Variants in SPATA13 observed in about 807,000 individuals in gnomAD.
The protein encoded by SPATA13 is spermatogenesis-associated protein 13.
A neutral mutation model predicts 104.0 loss-of-function variants in SPATA13; 50 were observed. That is an observed-to-expected ratio of 0.48 (90% CI 0.38 to 0.61). The LOEUF (loss-of-function observed/expected upper bound fraction) is 0.61, where lower values mean the gene tolerates loss of function less well. SPATA13 is among the 20% of genes least tolerant of loss of function. The pLI, the probability that SPATA13 is intolerant of heterozygous loss-of-function variation, is 0.00. For missense variants in SPATA13, 1,524 were observed against 1,690.6 expected, an observed-to-expected ratio of 0.90 and a Z score of 1.73; for synonymous variants, 606 against 667.5, an observed-to-expected ratio of 0.91 and a Z score of 1.42.
Position 24,223,388 on chromosome 13 carries a change from C to T in SPATA13, c.459C>T (p.Val153=), listed in dbSNP as rs1191269253. The change falls in exon 2 of 13, where the codon GTC becomes GTT. Residue 153 remains valine (V), a synonymous_variant. Coordinates refer to ENST00000382108, the MANE Select transcript of SPATA13 (RefSeq NM_001166271.3). Reference sequence around the variant, plus strand: ...GAAAGTCCATCCCAAATGGCGCTGTCCCAGGAGCCCAGGCAAGCAGGGGCT... The same window carrying T: ...GAAAGTCCATCCCAAATGGCGCTGTTCCAGGAGCCCAGGCAAGCAGGGGCT... The part of the protein sequence containing the change: ...GLGKSIPNGA[V]PGAQASRGSP... The T allele has an allele frequency of 1.9e-6, 3 of 1,551,186 alleles. No individual in the cohort carries two copies. Among genetic ancestry groups the T allele is most frequent in the East Asian group, 4.9e-5 (2 of 40,910 alleles).
At chr13:24,295,015 G>A (rs950003886) in intron 10 of SPATA13, 147 bp downstream of exon 10, 5 of 796,404 alleles carry the variant, frequency 6.3e-6, no homozygotes, top group Non-Finnish European at 7.3e-6. Flanking sequence ...AATGTATTTC[G>A]AGGCATACTG....
intron 1 of SPATA13, among the ~76,000 whole-genome samples, chr13:24,179,674 TC>T (rs1868677989): frequency 6.6e-6 from 1 of 152,208 alleles, no homozygotes; most frequent in Non-Finnish European, 1.5e-5. Context: ...CAACACTTTT[TC>T]CCATCTGCTT....
At chr13:24,295,649 A>G (rs1170030433) in intron 10 of SPATA13, among the ~76,000 whole-genome samples, 1 of 142,758 alleles carries the variant, frequency 7.0e-6, no homozygotes, top group Non-Finnish European at 1.5e-5. Flanking sequence ...AATGCCTGTA[A>G]TAATGGTCCA....
At chr13:24,005,628 G>T (rs186759251) in intron 2 of SPATA13, among the ~76,000 whole-genome samples, 1 of 152,200 alleles carries the variant, frequency 6.6e-6, no homozygotes, top group Admixed American at 6.5e-5. Context: ...AGAGGGATGG[G>T]GGAGATCTGA....
At chr13:24,107,237 C>CAAAAAAA (rs11421515) in intron 3 of SPATA13, among the ~76,000 whole-genome samples, 7 of 34,278 alleles carry the variant, frequency 2.0e-4, no homozygotes, top group Non-Finnish European at 3.3e-4. Flanking sequence ...GAACAAGAGG[C>CAAAAAAA]AAAAAAAAAA....
rs759451135 is a variant in SPATA13 at position 24,112,952 on chromosome 13, A to G, written c.-112+95251A>G. Among the ~76,000 whole-genome samples the G allele has an allele frequency of 2.4e-4, 37 of 152,306 alleles. 1 individual carries two copies. The highest frequency in any genetic ancestry group is 5.2e-4 in the Admixed American group (8 of 15,300). ...ATTCTACTGATTTATAATTCATTCT[A>G]GCAGACTCAACAGGAGGGGCTACTT... On this transcript the variant is annotated intron_variant, in intron 3 of 14. Coordinates refer to the SPATA13 transcript ENST00000424834.
At chr13:24,089,808 T>C (rs9511041) in intron 3 of SPATA13, among the ~76,000 whole-genome samples, 44,113 of 152,082 alleles carry the variant, frequency 0.29, 7,222 homozygotes, top group Non-Finnish European at 0.36. Context: ...TTTCTTGTGG[T>C]TCTCGAGATT....
intron 3 of SPATA13, among the ~76,000 whole-genome samples, chr13:24,085,873 C>T (rs912139): frequency 0.8 from 122,122 of 152,224 alleles, 49,344 homozygotes; most frequent in East Asian, 1. Context: ...GTGCAAAGCA[C>T]CGGAACCAGG....
At chr13:24,031,338 T>G (rs1877473239) in intron 3 of SPATA13, among the ~76,000 whole-genome samples, 2 of 152,198 alleles carry the variant, frequency 1.3e-5, no homozygotes, top group South Asian at 4.1e-4. Flanking sequence ...TTGGATTTGA[T>G]CTGACTCTAG....
Position 24,304,718 on chromosome 13 carries a change from T to TA in SPATA13, c.*1947dup, listed in dbSNP as rs1877461376. On this transcript the variant is annotated 3_prime_UTR_variant, in exon 13 of 13. Transcript: ENST00000382108. ...CACACATGCTTACAGGCAGCACTGCTAAGGGTTCAGGTGCCCCATGGCTGA... is the reference window on the plus strand; with the variant it reads ...CACACATGCTTACAGGCAGCACTGCTAAAGGGTTCAGGTGCCCCATGGCTGA... 6.6e-6 allele frequency: 1 copy of TA among 152,240 alleles called. No homozygotes were observed. Among genetic ancestry groups the TA allele is most frequent in the South Asian group, 2.1e-4 (1 of 4,832 alleles). 9.4% of individuals were successfully genotyped at this position (152,240 alleles called of 1,614,324 possible). A position where few individuals can be genotyped will look rare whatever the true frequency, so the allele number is the denominator to read the frequency against.
At chr13:24,217,961 C>G (rs1391507108) in intron 1 of SPATA13, among the ~76,000 whole-genome samples, 1 of 152,172 alleles carries the variant, frequency 6.6e-6, no homozygotes, top group East Asian at 1.9e-4. Context: ...ATTGTGGTTC[C>G]CAAAACAGAG....
In SPATA13 at chr13:24,122,367, A is replaced by G; in HGVS notation, c.-111-100452A>G. ...ATATCTGATACACATCAACAGGGTT[A>G]TCTTCATCATCAATGATTGTGGAAT... On this transcript the variant is annotated intron_variant, in intron 3 of 14. Transcript: ENST00000424834. The G allele has an allele frequency of 1.9e-6, 3 of 1,561,112 alleles. No homozygotes were observed. In the East Asian group the frequency reaches 6.8e-5, roughly 35 times the overall value.
At chr13:24,274,198 A>G (rs2096083) in intron 4 of SPATA13, among the ~76,000 whole-genome samples, 62,191 of 152,122 alleles carry the variant, frequency 0.41, 13,881 homozygotes, top group East Asian at 0.56. Flanking sequence ...GGCTTGCTGC[A>G]TGGACAGGCA....
chr13:24,292,166 A>G (rs17080603), intron 9 of SPATA13, among the ~76,000 whole-genome samples: 10,211 of 152,284 alleles, frequency 0.067, 571 homozygotes, highest in South Asian at 0.18. Context: ...TTGTTTCCTT[A>G]ATAGCCAACC....
intron 2 of SPATA13, among the ~76,000 whole-genome samples, chr13:24,015,548 A>G (rs1459517652): frequency 6.6e-6 from 1 of 152,234 alleles, no homozygotes; most frequent in South Asian, 2.1e-4. Flanking sequence ...TTGTGAGCTG[A>G]GTCAGGCCTG....
intron 12 of SPATA13, among the ~76,000 whole-genome samples, chr13:24,301,055 C>CCGCAT (rs1169899091): frequency 6.6e-6 from 1 of 152,138 alleles, no homozygotes; most frequent in African/African-American, 2.4e-5. Context: ...GATGCCCAGG[C>CCGCAT]CGCATACCCA....
At chr13:24,180,379 C>G (rs962881132) in intron 1 of SPATA13, among the ~76,000 whole-genome samples, 1 of 152,204 alleles carries the variant, frequency 6.6e-6, no homozygotes, top group African/African-American at 2.4e-5. Context: ...TAGTACCACA[C>G]TGTCTTGATT....
chr13:24,259,605 T>C (rs73168712), intron 4 of SPATA13, among the ~76,000 whole-genome samples: 6,976 of 152,312 alleles, frequency 0.046, 220 homozygotes, highest in Middle Eastern at 0.075. Context: ...TTTACTTATT[T>C]ATGTATTTAT....
chr13:24,157,291 T>TG (rs993590397), upstream of SPATA13, among the ~76,000 whole-genome samples: 1 of 150,408 alleles, frequency 6.6e-6, no homozygotes, highest in Non-Finnish European at 1.5e-5. Context: ...TCCTTTTTCT[T>TG]TTTTTTCTTT....
Sources: gnomAD v4.1 joint callset for allele counts (sites outside exome capture counted in the v4.1 genomes callset) on GRCh38, gnomAD v4.1.1 for gene constraint, MANE v1.5 for transcripts, NCBI Gene and HGNC (gene_info 2026-07-23, HGNC 2026-07-21) for gene names.